The following ALCAM variants were observed in gnomAD, a reference collection of about 807,000 sequenced individuals.
The protein encoded by ALCAM is CD166 antigen.
ALCAM carries 30 observed loss-of-function variants against 70.9 expected under a neutral mutation model. The observed-to-expected ratio is 0.42, with a 90% confidence interval of 0.32 to 0.57. The LOEUF (loss-of-function observed/expected upper bound fraction) is 0.57, where lower values mean the gene tolerates loss of function less well. Ranked by LOEUF, ALCAM falls within the 20% of genes least tolerant of loss-of-function variation. ALCAM has a pLI of 0.11. For synonymous variants in ALCAM, 249 were observed against 242.5 expected (o/e 1.03, Z -0.25); for missense variants, 591 against 695.1 (o/e 0.85, Z 1.68).
At chr3:105,368,223 A>AAGATAGAGAGAGAGAGAGAGAG (rs1935122449) in intron 1 of ALCAM, among the ~76,000 whole-genome samples, 1 of 67,790 alleles carries the variant, frequency 1.5e-5, no homozygotes, top group Non-Finnish European at 2.8e-5. Context: ...TGAGTCTTGG[A>AAGATAGAGAGAGAGAGAGAGAG]AGAGAGAGAG....
chr3:105,467,730 A>AT (rs1301850251), intron 1 of ALCAM, among the ~76,000 whole-genome samples: 3 of 151,180 alleles, frequency 2.0e-5, no homozygotes, highest in Non-Finnish European at 3.0e-5. Flanking sequence ...ATTTCTGATG[A>AT]TTTTCAAACC....
chr3:105,489,372 T>G (rs1033137775), intron 1 of ALCAM, among the ~76,000 whole-genome samples: 1 of 152,112 alleles, frequency 6.6e-6, no homozygotes, highest in African/African-American at 2.4e-5. Flanking sequence ...TGGCTTACAG[T>G]GAAAAAAGCA....
chr3:105,406,465 GTCAA>G (rs1256023195), intron 1 of ALCAM, among the ~76,000 whole-genome samples: 3 of 152,070 alleles, frequency 2.0e-5, no homozygotes, highest in African/African-American at 7.2e-5. Context: ...TAACCACTCA[GTCAA>G]TACTGAAACA....
chr3:105,380,129 G>C (rs1220814784), intron 1 of ALCAM, among the ~76,000 whole-genome samples: 1 of 151,650 alleles, frequency 6.6e-6, no homozygotes, highest in Non-Finnish European at 1.5e-5. Context: ...TAACCAAATG[G>C]TTACAGATTT....
intron 1 of ALCAM, among the ~76,000 whole-genome samples, chr3:105,474,092 G>A (rs968880439): frequency 5.3e-5 from 8 of 151,476 alleles, no homozygotes; most frequent in Admixed American, 2.0e-4. Context: ...TGTAGCATTT[G>A]GTTTCATTCT....
intron 1 of ALCAM, among the ~76,000 whole-genome samples, chr3:105,369,185 C>T (rs750064484): frequency 3.9e-5 from 6 of 152,214 alleles, no homozygotes; most frequent in Non-Finnish European, 7.3e-5. Context: ...GTAATCTCAC[C>T]CTCGTCCACA....
At position 105,511,064 on chromosome 3, in the gene ALCAM, G is replaced by GT. The variant is rs202117739; in HGVS notation, c.74-9001dup. Among the ~76,000 whole-genome samples, 642 of 151,996 alleles carry GT rather than the reference G, an allele frequency of 4.2e-3. 2 individuals are homozygous for GT. Among genetic ancestry groups the GT allele is most frequent in the Non-Finnish European group, 5.1e-3 (348 of 67,922 alleles). On this transcript the variant is annotated intron_variant, in intron 1 of 15. Transcript: ENST00000306107. Reference sequence around the variant, plus strand: ...ACTCATTGCCTTCCTAAATTATCTTGTTCTTTTTCCCATCTTTCCTCCCAC... The same window carrying GT: ...ACTCATTGCCTTCCTAAATTATCTTGTTTCTTTTTCCCATCTTTCCTCCCAC...
At chr3:105,428,485 T>C (rs1205677492) in intron 1 of ALCAM, among the ~76,000 whole-genome samples, 1 of 151,868 alleles carries the variant, frequency 6.6e-6, no homozygotes, top group African/African-American at 2.4e-5. Flanking sequence ...ATAATGGATA[T>C]ATTATAAATA....
chr3:105,454,931 C>G (rs188803901), intron 1 of ALCAM, among the ~76,000 whole-genome samples: 1 of 151,494 alleles, frequency 6.6e-6, no homozygotes, highest in African/African-American at 2.4e-5. Context: ...ATGCTGGCCT[C>G]GGCCTCCCAA....
At chr3:105,480,267 T>C (rs977495839) in intron 1 of ALCAM, among the ~76,000 whole-genome samples, 2 of 151,972 alleles carry the variant, frequency 1.3e-5, no homozygotes, top group African/African-American at 4.8e-5. Flanking sequence ...GGAGAATTGC[T>C]TGACCCCAGG....
At chr3:105,437,109 T>G (rs899182500) in intron 1 of ALCAM, among the ~76,000 whole-genome samples, 1 of 152,214 alleles carries the variant, frequency 6.6e-6, no homozygotes, top group Non-Finnish European at 1.5e-5. Flanking sequence ...TGTTGACCTC[T>G]GGCAAAAATA....
At chr3:105,485,022 T>C (rs1459664162) in intron 1 of ALCAM, among the ~76,000 whole-genome samples, 1 of 152,146 alleles carries the variant, frequency 6.6e-6, no homozygotes, top group East Asian at 1.9e-4. Flanking sequence ...TAAATATTTG[T>C]TCAAAAATTA....
chr3:105,541,600 T>C, intron 7 of ALCAM, 33 bp from the exon 8 acceptor site: 1 of 1,607,632 alleles, frequency 6.2e-7, no homozygotes, highest in Non-Finnish European at 8.5e-7. Flanking sequence ...AGCGACCAAG[T>C]ATAATCATCT....
At chr3:105,497,911 G>A (rs897454535) in intron 1 of ALCAM, among the ~76,000 whole-genome samples, 2 of 151,782 alleles carry the variant, frequency 1.3e-5, no homozygotes, top group Admixed American at 6.6e-5. Flanking sequence ...GGCACCTGTA[G>A]TCCCAGCTAC....
chr3:105,494,466 C>G (rs972494427), intron 1 of ALCAM, among the ~76,000 whole-genome samples: 4 of 150,706 alleles, frequency 2.7e-5, no homozygotes, highest in Admixed American at 1.3e-4. Context: ...TTTTCCCTTT[C>G]TTCCTTTCTT....
intron 9 of ALCAM, among the ~76,000 whole-genome samples, chr3:105,546,947 C>A (rs1316020195): frequency 6.6e-5 from 10 of 150,948 alleles, no homozygotes; most frequent in Admixed American, 6.6e-4. Flanking sequence ...AATGAAAGAG[C>A]GTGAAATAAA....
At chr3:105,377,620 A>C (rs566273578) in intron 1 of ALCAM, among the ~76,000 whole-genome samples, 1 of 152,098 alleles carries the variant, frequency 6.6e-6, no homozygotes, top group Non-Finnish European at 1.5e-5. Flanking sequence ...GGCAAAACCT[A>C]TATTGGTGCC....
chr3:105,527,358 G>A (rs1218023389), intron 3 of ALCAM, among the ~76,000 whole-genome samples: 2 of 152,062 alleles, frequency 1.3e-5, no homozygotes, highest in Non-Finnish European at 2.9e-5. Flanking sequence ...CTTACTTTAT[G>A]AGATCTGCTG....
At chr3:105,380,970 A>C (rs181430693) in intron 1 of ALCAM, among the ~76,000 whole-genome samples, 240 of 152,042 alleles carry the variant, frequency 1.6e-3, no homozygotes, top group African/African-American at 5.6e-3. Context: ...AGAGTTTGAG[A>C]ATATGGTGTC....
Sources: gnomAD v4.1 joint callset for allele counts (sites outside exome capture counted in the v4.1 genomes callset) on GRCh38, gnomAD v4.1.1 for gene constraint, MANE v1.5 for transcripts, NCBI Gene and HGNC (gene_info 2026-07-23, HGNC 2026-07-21) for gene names.